The following SNCAIP variants were observed in gnomAD, a reference collection of about 807,000 sequenced individuals.
SNCAIP encodes the protein synphilin-1.
Under a neutral mutation model 86.7 loss-of-function variants are expected in SNCAIP, and 43 were observed. The observed-to-expected ratio is 0.50, with a 90% confidence interval of 0.39 to 0.64. The LOEUF (loss-of-function observed/expected upper bound fraction) is 0.64. Among genes scored for constraint, SNCAIP ranks in the 30% least tolerant of loss-of-function variants. The pLI, the probability that SNCAIP is intolerant of heterozygous loss-of-function variation, is 0.00. For missense variants in SNCAIP, 981 were observed against 1,103.1 expected (o/e 0.89, Z 1.57); for synonymous variants, 417 against 427.2 (o/e 0.98, Z 0.29).
chr5:122,337,728 C>T (rs1338447740), intron 1 of SNCAIP, among the ~76,000 whole-genome samples: 1 of 152,128 alleles, frequency 6.6e-6, no homozygotes. Context: ...TTAGTAGAGG[C>T]AGGGCTTCGC....
chr5:122,394,838 T>G (rs1770246163), intron 2 of SNCAIP, among the ~76,000 whole-genome samples: 1 of 152,230 alleles, frequency 6.6e-6, no homozygotes, highest in African/African-American at 2.4e-5. Flanking sequence ...ATAAACTCTT[T>G]AACTAAGTTA....
intron 1 of SNCAIP, among the ~76,000 whole-genome samples, chr5:122,330,909 C>T (rs865781419): frequency 6.6e-6 from 1 of 151,356 alleles, no homozygotes. Flanking sequence ...CTAGATGGTC[C>T]CATTGGTGAT....
intron 2 of SNCAIP, among the ~76,000 whole-genome samples, chr5:122,395,479 A>G (rs1770407634): frequency 1.3e-5 from 2 of 152,146 alleles, no homozygotes; most frequent in African/African-American, 2.4e-5. Flanking sequence ...CCACTTTTCA[A>G]TCCTCTTTGG....
intron 1 of SNCAIP, chr5:122,323,310 G>A (rs1753358937): frequency 6.6e-6 from 1 of 152,200 alleles, no homozygotes; most frequent in African/African-American, 2.4e-5. Context: ...TAATTAAGTT[G>A]AGTACTCACA....
chr5:122,416,115 A>T (rs1001764042), intron 3 of SNCAIP, among the ~76,000 whole-genome samples: 1 of 152,184 alleles, frequency 6.6e-6, no homozygotes, highest in African/African-American at 2.4e-5. Context: ...TATCCAGGGT[A>T]GTAGGGCTTG....
chr5:122,345,640 A>G (rs1758462264), intron 1 of SNCAIP, among the ~76,000 whole-genome samples: 2 of 151,958 alleles, frequency 1.3e-5, no homozygotes, highest in South Asian at 4.1e-4. Context: ...ATATGGCCAT[A>G]TTTTATCCCT....
At chr5:122,351,627 G>A (rs908964913) in intron 1 of SNCAIP, among the ~76,000 whole-genome samples, 2 of 148,838 alleles carry the variant, frequency 1.3e-5, no homozygotes, top group Non-Finnish European at 3.0e-5. Flanking sequence ...TAGTCACTGA[G>A]CAGCTTTTTT....
intron 1 of SNCAIP, among the ~76,000 whole-genome samples, chr5:122,373,326 T>C (rs748250418): frequency 2.6e-5 from 4 of 152,128 alleles, no homozygotes; most frequent in Non-Finnish European, 4.4e-5. Context: ...ATCTCATCAC[T>C]GGAGCAAGCA....
At chr5:122,460,374 G>A (rs1785876581) in intron 10 of SNCAIP, among the ~76,000 whole-genome samples, 1 of 152,180 alleles carries the variant, frequency 6.6e-6, no homozygotes, top group Non-Finnish European at 1.5e-5. Context: ...ACATAGTAAT[G>A]ATGGCAATAA....
At chr5:122,332,073 G>A (rs1175058733) in intron 1 of SNCAIP, among the ~76,000 whole-genome samples, 1 of 152,156 alleles carries the variant, frequency 6.6e-6, no homozygotes, top group African/African-American at 2.4e-5. Flanking sequence ...GATACTTGTT[G>A]ACTGAAAACA....
intron 1 of SNCAIP, among the ~76,000 whole-genome samples, chr5:122,354,503 A>G (rs937082833): frequency 7.4e-4 from 112 of 152,138 alleles, no homozygotes; most frequent in Non-Finnish European, 2.2e-4. Context: ...TCTCATCTGC[A>G]TGTCAATGAG....
At chr5:122,390,013 T>C (rs1769009798) in intron 1 of SNCAIP, 1 of 152,182 alleles carries the variant, frequency 6.6e-6, no homozygotes, top group Non-Finnish European at 1.5e-5. Flanking sequence ...TTTTACACTT[T>C]CAGTCTTTTA....
At chr5:122,440,481 C>A (rs2152969768) in intron 6 of SNCAIP, 148 bp from the exon 7 acceptor site, 1 of 744,316 alleles carries the variant, frequency 1.3e-6, no homozygotes, top group Non-Finnish European at 2.3e-6. Flanking sequence ...CAAGGATTTT[C>A]AATTCACATC....
In SNCAIP at chr5:122,423,557, A is replaced by G. The variant is rs1412910523; in HGVS notation, c.820A>G (p.Thr274Ala). The G allele has an allele frequency of 3.7e-6, 6 of 1,614,206 alleles. No homozygotes were observed. In the South Asian group the frequency reaches 6.6e-5, roughly 18 times the overall value. The stretch of plus-strand genomic sequence containing the variant: ...TCCTCATGGTCGAAAAGTTGAGAAG[A>G]CAACACCAGACTGCCAGCTCAGGGC... Reference protein sequence around the residue: ...SDPHGRKVEKTTPDCQLRAFH... With the variant: ...SDPHGRKVEKATPDCQLRAFH... Residue 274 changes from threonine to alanine, a missense_variant, in exon 4 of 11, where the codon ACA becomes GCA. Physicochemically the swap from Thr to Ala is moderately conservative, Grantham distance 58. Transcript: ENST00000261368.
At chr5:122,403,481 G>T (rs549916191) in intron 2 of SNCAIP, among the ~76,000 whole-genome samples, 1 of 152,246 alleles carries the variant, frequency 6.6e-6, no homozygotes, top group East Asian at 1.9e-4. Flanking sequence ...GGGTCAGACA[G>T]TTCTTCCATC....
intron 5 of SNCAIP, among the ~76,000 whole-genome samples, chr5:122,427,765 T>G (rs3811895): frequency 0.22 from 33,090 of 152,118 alleles, 4,121 homozygotes; most frequent in South Asian, 0.32. Flanking sequence ...GGTACAAATG[T>G]ACAGAAGTTG....
At position 122,414,478 on chromosome 5, in the gene SNCAIP, A is replaced by G. The variant is rs566725542; in HGVS notation, c.131-8390A>G. 8.3e-4 allele frequency among the ~76,000 whole-genome samples: 127 copies of G among 152,098 alleles called. No homozygotes were observed. In the Middle Eastern group the frequency reaches 0.01, roughly 12 times the overall value. On this transcript the variant is annotated intron_variant, in intron 3 of 10. Coordinates refer to ENST00000261368, the MANE Select transcript of SNCAIP (RefSeq NM_005460.4). ...ACTCCTGACCTCAAGTGATCCGCCC[A>G]CCTTAGCCTCCAAAGTGCTGGAATT...
At chr5:122,413,173 A>G (rs575176312) in intron 3 of SNCAIP, among the ~76,000 whole-genome samples, 20 of 152,222 alleles carry the variant, frequency 1.3e-4, no homozygotes, top group South Asian at 4.1e-4. Flanking sequence ...AGTTAAAATA[A>G]AAAACAAACT....
chr5:122,373,529 C>A (rs1310188033), intron 1 of SNCAIP, among the ~76,000 whole-genome samples: 1 of 152,182 alleles, frequency 6.6e-6, no homozygotes, highest in Non-Finnish European at 1.5e-5. Context: ...CCTCTGCAGA[C>A]GTGCTTGAGA....
Sources: gnomAD v4.1 joint callset for allele counts (sites outside exome capture counted in the v4.1 genomes callset) on GRCh38, gnomAD v4.1.1 for gene constraint, MANE v1.5 for transcripts, NCBI Gene and HGNC (gene_info 2026-07-23, HGNC 2026-07-21) for gene names.